The following SHISA9 variants were observed in gnomAD, a reference collection of about 807,000 sequenced individuals.
SHISA9 encodes the protein protein shisa-9.
Under a neutral mutation model 38.0 loss-of-function variants are expected in SHISA9, and 13 were observed. That is an observed-to-expected ratio of 0.34 (90% CI 0.22 to 0.54). SHISA9 has a LOEUF of 0.54. SHISA9 is among the 20% of genes least tolerant of loss of function. SHISA9 has a pLI of 0.91. For missense variants in SHISA9, 538 were observed against 575.8 expected (o/e 0.93, Z 0.67); for synonymous variants, 275 against 242.0 (o/e 1.14, Z -1.27).
At chr16:13,473,168 G>T in the SHISA9 span, among the ~76,000 whole-genome samples, 1 of 152,092 alleles carries the variant, frequency 6.6e-6, no homozygotes, top group Non-Finnish European at 1.5e-5. Flanking sequence ...TATTCTATCA[G>T]ATTTTGCTTT....
intron 4 of SHISA9, among the ~76,000 whole-genome samples, chr16:13,225,155 T>C (rs1014323154): frequency 3.9e-5 from 6 of 152,004 alleles, no homozygotes; most frequent in Middle Eastern, 6.8e-3. Context: ...AAGGCAGAGA[T>C]TGGAATGATG....
intron 2 of SHISA9, among the ~76,000 whole-genome samples, chr16:13,135,677 G>T (rs1183442687): frequency 6.6e-6 from 1 of 152,100 alleles, no homozygotes; most frequent in African/African-American, 2.4e-5. Context: ...TGCTTCTGGA[G>T]AACTCAATCT....
the SHISA9 span, among the ~76,000 whole-genome samples, chr16:13,496,798 G>A: frequency 2.0e-5 from 3 of 151,952 alleles, no homozygotes; most frequent in Admixed American, 6.6e-5. Context: ...AAAACATCCA[G>A]AACTAAAGGT....
At chr16:13,518,397 C>G in the SHISA9 span, among the ~76,000 whole-genome samples, 1 of 152,152 alleles carries the variant, frequency 6.6e-6, no homozygotes, top group South Asian at 2.1e-4. Flanking sequence ...ACATGGGAGA[C>G]ATCTTACAAA....
the SHISA9 span, among the ~76,000 whole-genome samples, chr16:13,528,566 G>T: frequency 6.6e-6 from 1 of 152,088 alleles, no homozygotes; most frequent in Admixed American, 6.6e-5. Flanking sequence ...ATCCCAAAAA[G>T]AAAGAAAGGC....
At chr16:13,335,221 T>G in the SHISA9 span, among the ~76,000 whole-genome samples, 3 of 152,192 alleles carry the variant, frequency 2.0e-5, no homozygotes, top group Non-Finnish European at 4.4e-5. Flanking sequence ...TCTCTGGATG[T>G]GTCCCATAAA....
At chr16:13,450,166 A>C in the SHISA9 span, among the ~76,000 whole-genome samples, 2 of 152,132 alleles carry the variant, frequency 1.3e-5, no homozygotes, top group Non-Finnish European at 2.9e-5. Flanking sequence ...CTTTTAGTCC[A>C]TGTTCTACTA....
chr16:13,434,722 A>G, the SHISA9 span, among the ~76,000 whole-genome samples: 1 of 152,156 alleles, frequency 6.6e-6, no homozygotes, highest in Non-Finnish European at 1.5e-5. Flanking sequence ...CAGGCCTAGA[A>G]AAGCTATGTT....
intron 2 of SHISA9, among the ~76,000 whole-genome samples, chr16:13,193,164 A>G (rs8049091): frequency 0.52 from 79,181 of 151,858 alleles, 21,945 homozygotes; most frequent in African/African-American, 0.72. Context: ...TAGCTTGGTG[A>G]AGGAAACATT....
At chr16:13,219,452 G>A (rs1269836999) in intron 4 of SHISA9, among the ~76,000 whole-genome samples, 1 of 152,194 alleles carries the variant, frequency 6.6e-6, no homozygotes, top group Non-Finnish European at 1.5e-5. Flanking sequence ...TTATCCATGT[G>A]ACAGTCTTTG....
chr16:13,146,899 A>G (rs928535740), intron 2 of SHISA9, among the ~76,000 whole-genome samples: 1 of 152,174 alleles, frequency 6.6e-6, no homozygotes, highest in African/African-American at 2.4e-5. Context: ...GATTTCAGTC[A>G]ATTTTAGTTT....
the SHISA9 span, among the ~76,000 whole-genome samples, chr16:13,318,175 CA>C: frequency 6.6e-6 from 1 of 152,230 alleles, no homozygotes; most frequent in South Asian, 2.1e-4. Context: ...CTAGGTTTCC[CA>C]ACCTCATACT....
At chr16:13,517,629 T>C in the SHISA9 span, among the ~76,000 whole-genome samples, 1 of 152,180 alleles carries the variant, frequency 6.6e-6, no homozygotes, top group Non-Finnish European at 1.5e-5. Context: ...CCCCTTCTCC[T>C]TATATGTCCC....
At chr16:13,434,106 A>G in the SHISA9 span, among the ~76,000 whole-genome samples, 1 of 152,164 alleles carries the variant, frequency 6.6e-6, no homozygotes, top group African/African-American at 2.4e-5. Context: ...AAGAGTCCCA[A>G]AGCTGAAGAA....
At chr16:13,036,521 G>A (rs535301930) in intron 2 of SHISA9, among the ~76,000 whole-genome samples, 2 of 152,076 alleles carry the variant, frequency 1.3e-5, no homozygotes, top group Non-Finnish European at 2.9e-5. Flanking sequence ...CTGGGGTGAT[G>A]GAAATATTCT....
chr16:13,401,844 TGGGGAGGCC>T, the SHISA9 span, among the ~76,000 whole-genome samples: 1 of 152,212 alleles, frequency 6.6e-6, no homozygotes, highest in Admixed American at 6.5e-5. Context: ...CCCGCATGGC[TGGGGAGGCC>T]TCATAATCAT....
Position 13,239,932 on chromosome 16 carries a change from C to T in SHISA9, c.*4523C>T, listed in dbSNP as rs1056280827. The T allele has an allele frequency of 5.9e-5, 9 of 152,218 alleles. 1 individual carries two copies. Among genetic ancestry groups the T allele is most frequent in the Non-Finnish European group, 1.2e-4 (8 of 68,060 alleles). The allele number at this position is 152,218 out of a possible 1,614,324, so 9.4% of individuals were successfully genotyped here. ...GGACAACCTATGGAACTATCTGTGA[C>T]TTCCATGTACCAAGACAAGGACGCT... On this transcript the variant is annotated 3_prime_UTR_variant, in exon 5 of 5. Transcript: ENST00000558583.
chr16:13,408,037 C>T, the SHISA9 span, among the ~76,000 whole-genome samples: 2 of 151,980 alleles, frequency 1.3e-5, no homozygotes, highest in Non-Finnish European at 2.9e-5. Flanking sequence ...GTGATTTTTC[C>T]CATTCTGTAG....
the SHISA9 span, among the ~76,000 whole-genome samples, chr16:13,374,864 G>C: frequency 6.6e-6 from 1 of 152,196 alleles, no homozygotes. Flanking sequence ...CATTCTAACT[G>C]GTGTGAGATG....
Sources: allele counts gnomAD v4.1 joint callset (sites outside exome capture counted in the v4.1 genomes callset), GRCh38; gene constraint gnomAD v4.1.1; transcripts MANE v1.5; gene names NCBI Gene and HGNC (gene_info 2026-07-23, HGNC 2026-07-21).